The following PCDH15 variants were observed in gnomAD, a reference collection of about 807,000 sequenced individuals.
PCDH15 encodes the protein protocadherin-15.
A neutral mutation model predicts 178.5 loss-of-function variants in PCDH15; 129 were observed. The observed-to-expected ratio is 0.72, with a 90% CI of 0.63 to 0.84. The LOEUF is 0.84. Among genes scored for constraint, PCDH15 ranks in the 40% least tolerant of loss-of-function variants. The pLI is 0.00. For missense variants in PCDH15, 2,230 were observed against 2,099.9 expected (o/e 1.06, Z -1.21); for synonymous variants, 800 against 732.0 (o/e 1.09, Z -1.50).
At chr10:54,364,301 A>G (rs1210382158) in intron 5 of PCDH15, among the ~76,000 whole-genome samples, 1 of 151,258 alleles carries the variant, frequency 6.6e-6, no homozygotes, top group African/African-American at 2.4e-5. Context: ...ACTGTTGGGT[A>G]GTTCTATATA....
chr10:54,657,902 G>C (rs555706450), intron 2 of PCDH15, among the ~76,000 whole-genome samples: 13 of 152,048 alleles, frequency 8.5e-5, no homozygotes, highest in Non-Finnish European at 1.6e-4. Flanking sequence ...AAAATACAGA[G>C]TGCAAGGAAT....
intron 2 of PCDH15, among the ~76,000 whole-genome samples, chr10:55,345,064 T>C: frequency 6.6e-6 from 1 of 151,960 alleles, no homozygotes; most frequent in South Asian, 2.1e-4. Flanking sequence ...AGAAGTCTCT[T>C]ACTATATCTC....
chr10:54,209,238 G>A (rs1317015634), intron 10 of PCDH15, among the ~76,000 whole-genome samples: 1 of 151,960 alleles, frequency 6.6e-6, no homozygotes, highest in Non-Finnish European at 1.5e-5. Flanking sequence ...TTGTAAATTG[G>A]CTTGAAGGCA....
intron 3 of PCDH15, among the ~76,000 whole-genome samples, chr10:54,524,457 A>T (rs1410925536): frequency 1.3e-5 from 2 of 152,154 alleles, no homozygotes; most frequent in Non-Finnish European, 2.9e-5. Context: ...GTGGTTCCAA[A>T]GTATGTTTAA....
chr10:54,937,946 C>T (rs1408406551), intron 2 of PCDH15, among the ~76,000 whole-genome samples: 1 of 152,028 alleles, frequency 6.6e-6, no homozygotes, highest in Non-Finnish European at 1.5e-5. Context: ...AACATTTAGT[C>T]TTTCACCTTT....
chr10:54,719,688 C>A (rs913585186), intron 1 of PCDH15, among the ~76,000 whole-genome samples: 1 of 151,948 alleles, frequency 6.6e-6, no homozygotes, highest in African/African-American at 2.4e-5. Flanking sequence ...AGCCGCCACC[C>A]CCCGACTGGC....
chr10:55,423,981 T>C (rs1487572539), intron 2 of PCDH15, among the ~76,000 whole-genome samples: 1 of 152,108 alleles, frequency 6.6e-6, no homozygotes, highest in African/African-American at 2.4e-5. Flanking sequence ...AATTCTGATG[T>C]GTTGACTACC....
intron 3 of PCDH15, among the ~76,000 whole-genome samples, chr10:54,842,128 A>T (rs545360686): frequency 6.6e-6 from 1 of 151,840 alleles, no homozygotes; most frequent in African/African-American, 2.4e-5. Context: ...CGTTCATGAT[A>T]ATTTCAAATC....
chr10:54,013,972 T>C (rs900578766), intron 20 of PCDH15, among the ~76,000 whole-genome samples: 1 of 151,990 alleles, frequency 6.6e-6, no homozygotes, highest in African/African-American at 2.4e-5. Context: ...AGGAATTATC[T>C]TAGTTATTTG....
At chr10:53,911,161 G>C (rs2083060304) in intron 25 of PCDH15, among the ~76,000 whole-genome samples, 1 of 151,842 alleles carries the variant, frequency 6.6e-6, no homozygotes, top group South Asian at 2.1e-4. Context: ...GAAAAACAGA[G>C]AACACCACAA....
intron 2 of PCDH15, among the ~76,000 whole-genome samples, chr10:55,444,197 T>C (rs1839263633): frequency 6.6e-6 from 1 of 151,522 alleles, no homozygotes; most frequent in Non-Finnish European, 1.5e-5. Context: ...GATGGGTGGA[T>C]GGGTGCAGCA....
At chr10:55,381,460 A>G (rs1251570366) in intron 2 of PCDH15, among the ~76,000 whole-genome samples, 2 of 152,164 alleles carry the variant, frequency 1.3e-5, no homozygotes, top group Non-Finnish European at 2.9e-5. Context: ...GAGTAGAAAC[A>G]AGATATGTCC....
chr10:53,855,946 AG>A (rs1478016862), intron 28 of PCDH15, among the ~76,000 whole-genome samples: 1 of 142,918 alleles, frequency 7.0e-6, no homozygotes, highest in Admixed American at 7.0e-5. Flanking sequence ...GTAATGAAAT[AG>A]TATTCAGCCA....
chr10:53,858,511 C>A (rs1218552984), intron 27 of PCDH15, among the ~76,000 whole-genome samples: 1 of 152,080 alleles, frequency 6.6e-6, no homozygotes, highest in Non-Finnish European at 1.5e-5. Context: ...TCCAGATTTC[C>A]TAGATATTTC....
chr10:54,328,455 C>T (rs1938662633), intron 7 of PCDH15, among the ~76,000 whole-genome samples: 1 of 151,986 alleles, frequency 6.6e-6, no homozygotes, highest in Non-Finnish European at 1.5e-5. Flanking sequence ...TTCAGGTCAT[C>T]AGTGTGCCCA....
intron 3 of PCDH15, among the ~76,000 whole-genome samples, chr10:54,829,526 C>T (rs1178792954): frequency 6.6e-6 from 1 of 151,936 alleles, no homozygotes; most frequent in African/African-American, 2.4e-5. Context: ...TAGTTTGAAA[C>T]TCAAAAAAGT....
intron 28 of PCDH15, among the ~76,000 whole-genome samples, chr10:53,852,592 C>A (rs114765953): frequency 0.02 from 3,113 of 152,124 alleles, 121 homozygotes; most frequent in African/African-American, 0.07. Context: ...TTTCCAGGTA[C>A]TGCGGTCTTA....
At chr10:54,384,461 C>G (rs1589145892) in intron 3 of PCDH15, among the ~76,000 whole-genome samples, 1 of 151,968 alleles carries the variant, frequency 6.6e-6, no homozygotes, top group Middle Eastern at 3.4e-3. Context: ...ATTTTAAACA[C>G]TATTTCAAAG....
At chr10:53,997,993 C>G (rs1024517448) in intron 20 of PCDH15, among the ~76,000 whole-genome samples, 10 of 152,114 alleles carry the variant, frequency 6.6e-5, no homozygotes, top group Admixed American at 6.6e-4. Flanking sequence ...AAATGCAATT[C>G]CAACAAGCAT....
Sources: allele counts gnomAD v4.1 joint callset (sites outside exome capture counted in the v4.1 genomes callset), GRCh38; gene constraint gnomAD v4.1.1; transcripts MANE v1.5; gene names NCBI Gene and HGNC (gene_info 2026-07-23, HGNC 2026-07-21).